AMBRA1: variants seen among roughly 807,000 people sequenced by gnomAD.
The protein encoded by AMBRA1 is autophagy and beclin 1 regulator 1.
In AMBRA1, 47 loss-of-function variants were observed where a neutral mutation model predicts 125.4. The ratio of observed to expected loss-of-function variants is 0.37; its 90% CI spans 0.30 to 0.48. AMBRA1 has a LOEUF of 0.48. Among genes scored for constraint, AMBRA1 ranks in the 20% least tolerant of loss-of-function variants. The probability of loss-of-function intolerance (pLI) is 0.99; values close to 1 mark genes in which losing one functional copy is unlikely to be tolerated. For synonymous variants in AMBRA1, 626 were observed against 655.5 expected (o/e 0.95, Z 0.69); for missense variants, 1,331 against 1,693.4 (o/e 0.79, Z 3.76).
At chr11:46,536,413 G>A (rs1481317054) in intron 7 of AMBRA1, among the ~76,000 whole-genome samples, 1 of 152,240 alleles carries the variant, frequency 6.6e-6, no homozygotes, top group African/African-American at 2.4e-5. Flanking sequence ...AAGGGACACG[G>A]TGACAGCTGT....
At chr11:46,421,557 C>T (rs1011471756) in intron 14 of AMBRA1, among the ~76,000 whole-genome samples, 2 of 152,152 alleles carry the variant, frequency 1.3e-5, no homozygotes, top group African/African-American at 4.8e-5. Context: ...GTCCAATCAT[C>T]CTGATTTCAC....
intron 11 of AMBRA1, among the ~76,000 whole-genome samples, chr11:46,472,464 A>C (rs566712204): frequency 2.8e-4 from 42 of 152,268 alleles, no homozygotes; most frequent in African/African-American, 9.9e-4. Flanking sequence ...GCACTTTACC[A>C]ATTTTTCCTA....
rs180968567 is a variant in AMBRA1 at position 46,423,619 on chromosome 11, C to T, written c.2977-5567G>A. 2.9e-3 allele frequency among the ~76,000 whole-genome samples: 434 copies of T among 152,124 alleles called. 2 individuals are homozygous for T. The highest frequency in any genetic ancestry group is 9.6e-3 in the African/African-American group (400 of 41,506). On this transcript the variant is annotated intron_variant, in intron 14 of 17. Coordinates refer to ENST00000683756, the MANE Select transcript of AMBRA1 (RefSeq NM_001387011.1). The stretch of plus-strand genomic sequence containing the variant: ...TATTAGCCAGGATGGTCTTGATCTC[C>T]TGACCTTGTGATCTGCCTGCCTCGG...
At chr11:46,427,572 CAG>C (rs1686668263) in intron 14 of AMBRA1, among the ~76,000 whole-genome samples, 1 of 152,188 alleles carries the variant, frequency 6.6e-6, no homozygotes, top group Admixed American at 6.5e-5. Context: ...GCCTCGCCCC[CAG>C]AGTTTCTGAC....
chr11:46,400,984 TTTA>T (rs1417417777), intron 17 of AMBRA1, among the ~76,000 whole-genome samples: 3 of 152,064 alleles, frequency 2.0e-5, no homozygotes, highest in African/African-American at 4.8e-5. Flanking sequence ...ATCTTCAGGT[TTTA>T]AAGCCTTCTA....
chr11:46,488,461 C>CAA (rs74910564), intron 11 of AMBRA1, among the ~76,000 whole-genome samples: 19 of 139,902 alleles, frequency 1.4e-4, no homozygotes, highest in Non-Finnish European at 2.4e-4. Flanking sequence ...CAAAACAAAA[C>CAA]AAAAAAAAAA....
intron 1 of AMBRA1, among the ~76,000 whole-genome samples, chr11:46,573,830 C>A (rs368412913): frequency 6.0e-4 from 76 of 125,892 alleles, no homozygotes; most frequent in African/African-American, 2.0e-3. Context: ...CCCACCCCAC[C>A]ACAGTCCCCA....
chr11:46,412,487 C>T (rs1053640015), intron 15 of AMBRA1, among the ~76,000 whole-genome samples: 2 of 152,052 alleles, frequency 1.3e-5, no homozygotes, highest in Non-Finnish European at 2.9e-5. Flanking sequence ...GACAGGGTTT[C>T]ACCATGTTGC....
intron 9 of AMBRA1, among the ~76,000 whole-genome samples, chr11:46,499,254 A>G (rs1414226418): frequency 6.6e-6 from 1 of 152,214 alleles, no homozygotes; most frequent in Non-Finnish European, 1.5e-5. Context: ...AAAAATAAGC[A>G]TATAAATCTA....
At chr11:46,497,186 ATG>A (rs1288290309) in intron 9 of AMBRA1, among the ~76,000 whole-genome samples, 1 of 152,154 alleles carries the variant, frequency 6.6e-6, no homozygotes, top group East Asian at 1.9e-4. Context: ...ATTTTATGTT[ATG>A]TGTATTTTAC....
intron 16 of AMBRA1, among the ~76,000 whole-genome samples, chr11:46,410,026 G>A (rs1249892844): frequency 1.3e-5 from 2 of 152,220 alleles, no homozygotes; most frequent in African/African-American, 2.4e-5. Context: ...GTGTGCCCAG[G>A]CACCATGGCC....
At chr11:46,562,279 C>A (rs979542169) in intron 1 of AMBRA1, among the ~76,000 whole-genome samples, 1 of 152,162 alleles carries the variant, frequency 6.6e-6, no homozygotes, top group Non-Finnish European at 1.5e-5. Context: ...AACAGGTAAG[C>A]TTAGCGCATG....
intron 1 of AMBRA1, among the ~76,000 whole-genome samples, chr11:46,563,199 G>A (rs888212561): frequency 2.4e-4 from 36 of 152,236 alleles, no homozygotes; most frequent in African/African-American, 8.7e-4. Flanking sequence ...GAGGCCAGGA[G>A]TTCAAGACCA....
At chr11:46,444,578 G>T (rs1184272617) in intron 11 of AMBRA1, among the ~76,000 whole-genome samples, 1 of 152,176 alleles carries the variant, frequency 6.6e-6, no homozygotes, top group Non-Finnish European at 1.5e-5. Context: ...ATTCTCAGCT[G>T]TAAATCAAAG....
At chr11:46,474,047 A>C (rs1949715101) in intron 11 of AMBRA1, among the ~76,000 whole-genome samples, 1 of 152,194 alleles carries the variant, frequency 6.6e-6, no homozygotes, top group Non-Finnish European at 1.5e-5. Flanking sequence ...AGTAGCACTC[A>C]AGAAGTATAT....
chr11:46,449,421 C>T (rs1280444499), intron 11 of AMBRA1, among the ~76,000 whole-genome samples: 2 of 152,166 alleles, frequency 1.3e-5, no homozygotes, highest in Admixed American at 6.6e-5. Context: ...AAATACACCA[C>T]CACTTACATT....
chr11:46,475,524 T>C (rs553691618), intron 11 of AMBRA1, among the ~76,000 whole-genome samples: 1 of 152,252 alleles, frequency 6.6e-6, no homozygotes, highest in East Asian at 1.9e-4. Flanking sequence ...GACTATCCAA[T>C]GAAAAATGAA....
intron 1 of AMBRA1, among the ~76,000 whole-genome samples, chr11:46,576,458 A>T (rs1489971350): frequency 1.3e-5 from 2 of 152,188 alleles, no homozygotes; most frequent in Non-Finnish European, 2.9e-5. Flanking sequence ...CCATCAAACA[A>T]TTATGTCCCA....
chr11:46,411,011 G>C (rs1946262714), intron 15 of AMBRA1, among the ~76,000 whole-genome samples: 1 of 147,340 alleles, frequency 6.8e-6, no homozygotes, highest in East Asian at 2.1e-4. Flanking sequence ...TGAGGCAGGA[G>C]AATCACTTGA....
Sources: gnomAD v4.1 joint callset for allele counts (sites outside exome capture counted in the v4.1 genomes callset) on GRCh38, gnomAD v4.1.1 for gene constraint, MANE v1.5 for transcripts, NCBI Gene and HGNC (gene_info 2026-07-23, HGNC 2026-07-21) for gene names.